Variants in SH3YL1 observed in about 807,000 individuals in gnomAD.
The protein encoded by SH3YL1 is SH3 domain-containing YSC84-like protein 1.
Under a neutral mutation model 45.8 loss-of-function variants are expected in SH3YL1, and 41 were observed. The ratio of observed to expected loss-of-function variants is 0.89; its 90% confidence interval spans 0.70 to 1.16. The LOEUF is 1.16. Ranked by LOEUF, SH3YL1 falls within the 50% of genes most tolerant of loss-of-function variation. The probability of loss-of-function intolerance (pLI) is 0.00; values close to 1 mark genes in which losing one functional copy is unlikely to be tolerated. For synonymous variants in SH3YL1, 152 were observed against 151.4 expected (o/e 1.00, Z -0.03); for missense variants, 389 against 409.6 (o/e 0.95, Z 0.43).
intron 1 of SH3YL1, among the ~76,000 whole-genome samples, chr2:254,111 T>C (rs1341788474): frequency 2.0e-5 from 3 of 152,060 alleles, no homozygotes; most frequent in Admixed American, 6.6e-5. Flanking sequence ...CTATCTATAA[T>C]ATATAGTATA....
chr2:231,942 G>A (rs1243523595), intron 6 of SH3YL1, among the ~76,000 whole-genome samples: 8 of 151,970 alleles, frequency 5.3e-5, no homozygotes, highest in East Asian at 1.9e-4. Flanking sequence ...TGAATGACTC[G>A]GTGGGGTAAA....
chr2:264,118 C>A (rs1213456712), upstream of SH3YL1: 3 of 1,261,174 alleles, frequency 2.4e-6, no homozygotes, highest in African/African-American at 5.0e-5. Context: ...GCGCAAAACA[C>A]CCGCCGTGTA....
At position 233,150 on chromosome 2, in the gene SH3YL1, C is replaced by G; in HGVS notation, c.484G>C (p.Val162Leu). The change falls in exon 6 of 10, where the codon GTG (valine) becomes CTG (leucine). Residue 162 changes from valine to leucine, a missense_variant. Physicochemically the swap from Val to Leu is conservative, Grantham distance 32. Coordinates refer to ENST00000356150, the MANE Select transcript of SH3YL1 (RefSeq NM_015677.4). ...ATCAAACAGCTCCCTTCTAAAGACA[C>G]GCCTGCAAAGAGTCCCCTTGACTTG... Reference protein sequence around the residue: ...YCKSRGLFAGVSLEGSCLIER... With the variant: ...YCKSRGLFAGLSLEGSCLIER... 6.2e-7 allele frequency: 1 copy of G among 1,600,610 alleles called. No homozygotes were observed. The highest frequency in any genetic ancestry group is 2.2e-5 in the East Asian group (1 of 44,484).
rs878865630 is a variant in SH3YL1, at chr2:263,032, T to C, written c.1+952A>G. 2.0e-5 allele frequency among the ~76,000 whole-genome samples: 3 copies of C among 152,198 alleles called. No homozygotes were observed. In the South Asian group the frequency reaches 6.2e-4, roughly 31 times the overall value. ...ATCAGTCGCTGCACAAGTATTTTAA[T>C]AACAGGCCAGCCCACGGGAGTAAAC... On this transcript the variant is annotated intron_variant, in intron 1 of 9. Transcript: ENST00000356150.
At chr2:262,837 A>C in intron 1 of SH3YL1, 1 of 674,952 alleles carries the variant, frequency 1.5e-6, no homozygotes, top group South Asian at 2.2e-5. Flanking sequence ...ACATTATTTT[A>C]AACTTTTTTT....
At chr2:247,747 A>C (rs1668892391) in intron 3 of SH3YL1, 145 bp from the exon 4 acceptor site, 1 of 625,446 alleles carries the variant, frequency 1.6e-6, no homozygotes, top group Non-Finnish European at 2.7e-6. Flanking sequence ...AGTGATCTTC[A>C]AAAAGAATAT....
intron 4 of SH3YL1, among the ~76,000 whole-genome samples, chr2:235,366 C>G (rs1668241662): frequency 6.8e-6 from 1 of 147,220 alleles, no homozygotes; most frequent in Non-Finnish European, 1.5e-5. Context: ...CAGCATGGGC[C>G]AGGGGAGGCA....
chr2:249,945 T>C lies in SH3YL1; in HGVS notation c.113-101A>G, dbSNP rs991664722. ...AGTCAGTGTACACAGAGGTTATCTC[T>C]AGGAATTCGGGGCACACAGGAGCAA... On this transcript the variant is annotated intron_variant, in intron 2 of 9. Coordinates refer to ENST00000356150, the MANE Select transcript of SH3YL1 (RefSeq NM_015677.4). The C allele has an allele frequency of 2.1e-5, 17 of 808,454 alleles. No individual in the cohort carries two copies. In the African/African-American group the frequency reaches 2.4e-4, roughly 11 times the overall value. The allele number at this position is 808,454 out of a possible 1,614,324, so 50.1% of individuals were successfully genotyped here.
At chr2:234,890 T>C (rs1024221596) in intron 4 of SH3YL1, among the ~76,000 whole-genome samples, 4 of 152,184 alleles carry the variant, frequency 2.6e-5, no homozygotes, top group Non-Finnish European at 4.4e-5. Flanking sequence ...TCTTTTTTTT[T>C]CCTTGAGAAA....
At chr2:229,036 C>T (rs1381551034) in intron 8 of SH3YL1, among the ~76,000 whole-genome samples, 1 of 152,186 alleles carries the variant, frequency 6.6e-6, no homozygotes, top group Non-Finnish European at 1.5e-5. Flanking sequence ...ACGTTAAAGT[C>T]ACCTTTGTGC....
At chr2:264,749 T>A (rs1669784190), upstream of SH3YL1, 1 of 525,496 alleles carries the variant, frequency 1.9e-6, no homozygotes, top group Non-Finnish European at 3.3e-6. Context: ...TCCCTGCAGG[T>A]GACCCGCGGA....
intron 3 of SH3YL1, among the ~76,000 whole-genome samples, chr2:248,833 T>C (rs1334730546): frequency 6.6e-6 from 1 of 152,164 alleles, no homozygotes; most frequent in Non-Finnish European, 1.5e-5. Context: ...AGAGAATTAT[T>C]TTCTTCTCAT....
chr2:255,262 A>G (rs530364215), intron 1 of SH3YL1, among the ~76,000 whole-genome samples: 1 of 152,350 alleles, frequency 6.6e-6, no homozygotes, highest in South Asian at 2.1e-4. Context: ...AAATATCTCC[A>G]ATAAAATGTG....
chr2:261,853 A>G (rs149461378), intron 1 of SH3YL1, among the ~76,000 whole-genome samples: 2 of 152,328 alleles, frequency 1.3e-5, no homozygotes, highest in Admixed American at 6.5e-5. Flanking sequence ...ATTTTCTTCA[A>G]TGGACTCTAA....
chr2:263,961 C>T, intron 1 of SH3YL1, 23 bp downstream of exon 1: 1 of 1,506,110 alleles, frequency 6.6e-7, no homozygotes. Flanking sequence ...TGCTGCCGGA[C>T]AGGTGGGTCC....
At chr2:234,971 G>T (rs944655015) in intron 4 of SH3YL1, among the ~76,000 whole-genome samples, 10 of 152,132 alleles carry the variant, frequency 6.6e-5, no homozygotes, top group Non-Finnish European at 1.5e-4. Flanking sequence ...TCCGCCTCCC[G>T]GGTTCAAGTG....
chr2:218,864 T>C lies in SH3YL1; in HGVS notation c.976A>G (p.Lys326Glu). The C allele has an allele frequency of 6.2e-7, 1 of 1,614,106 alleles. No homozygotes were observed. The highest frequency in any genetic ancestry group is 2.2e-5 in the East Asian group (1 of 44,882). Residue 326 changes from lysine to glutamate, a missense_variant, in exon 10 of 10, where the codon AAA (lysine) becomes GAA (glutamate). Coordinates refer to ENST00000356150, the MANE Select transcript of SH3YL1 (RefSeq NM_015677.4). ...AAAATGCCAGTTTGACCTCGAAGTT[T>C]TCCTTCCCACCAATCAAAATGTGAA... The part of the protein sequence containing the change: ...TDSHFDWWEG[K>E]LRGQTGIFPA...
intron 1 of SH3YL1, chr2:262,299 T>C (rs1236130512): frequency 1.1e-5 from 2 of 189,104 alleles, no homozygotes; most frequent in African/African-American, 4.7e-5. Flanking sequence ...GATCATTAAC[T>C]CCCTAGTCAA....
At position 234,151 on chromosome 2, in the gene SH3YL1, A is replaced by G; in HGVS notation, c.404+9T>C. 6.3e-7 allele frequency: 1 copy of G among 1,597,072 alleles called. No homozygotes were observed. The highest frequency in any genetic ancestry group is 8.5e-7 in the Non-Finnish European group (1 of 1,169,794). On this transcript the variant is annotated intron_variant, in intron 5 of 9. Transcript: ENST00000356150. ...CCTTTACTGTCTAACATCTATTTAA[A>G]GAACTCACCTTCCCAAGGGCCCAAC... is the stretch of plus-strand genomic sequence containing the variant.
Sources: gnomAD v4.1 joint callset for allele counts (sites outside exome capture counted in the v4.1 genomes callset) on GRCh38, gnomAD v4.1.1 for gene constraint, MANE v1.5 for transcripts, NCBI Gene and HGNC (gene_info 2026-07-23, HGNC 2026-07-21) for gene names.